The following CNKSR3 variants were observed in gnomAD, a reference collection of about 807,000 sequenced individuals.
The protein encoded by CNKSR3 is connector enhancer of kinase suppressor of ras 3.
Under a neutral mutation model 67.7 loss-of-function variants are expected in CNKSR3, and 36 were observed. That is an observed-to-expected ratio of 0.53 (90% CI 0.41 to 0.70). The LOEUF (loss-of-function observed/expected upper bound fraction) is 0.70. Among genes scored for constraint, CNKSR3 ranks in the 30% least tolerant of loss-of-function variants. CNKSR3 has a pLI of 0.00. For missense variants in CNKSR3, 630 were observed against 695.2 expected, an observed-to-expected ratio of 0.91 and a Z score of 1.05; for synonymous variants, 281 against 271.4, an observed-to-expected ratio of 1.04 and a Z score of -0.35.
At chr6:154,449,131 A>G (rs565130778) in intron 2 of CNKSR3, among the ~76,000 whole-genome samples, 8 of 152,210 alleles carry the variant, frequency 5.3e-5, no homozygotes, top group Non-Finnish European at 1.2e-4. Flanking sequence ...TTACTCATTC[A>G]TGTTAAAGCC....
rs773533317 is a variant in CNKSR3, at chr6:154,415,227, C to CTTTTTTTTTTTTTT, written c.946-805_946-804insAAAAAAAAAAAAAA. ...ATCCTGGCTAGACTTACTAGCTGCCCATTTTTTTTTTTTTTTTTTTTAAGA... is the reference window on the plus strand; with the variant it reads ...ATCCTGGCTAGACTTACTAGCTGCCCTTTTTTTTTTTTTTATTTTTTTTTTTTTTTTTTTTAAGA... On this transcript the variant is annotated intron_variant, in intron 9 of 12. Transcript: ENST00000607772. Among the ~76,000 whole-genome samples, 146 of 112,764 alleles carry CTTTTTTTTTTTTTT rather than the reference C, an allele frequency of 1.3e-3. 10 individuals are homozygous for CTTTTTTTTTTTTTT. Among genetic ancestry groups the CTTTTTTTTTTTTTT allele is most frequent in the Non-Finnish European group, 1.5e-3 (89 of 57,580 alleles). The allele number at this position is 112,764 out of a possible 152,430, so 74.0% of individuals were successfully genotyped here.
intron 1 of CNKSR3, among the ~76,000 whole-genome samples, chr6:154,482,550 G>A (rs9397724): frequency 0.097 from 14,738 of 152,210 alleles, 932 homozygotes; most frequent in East Asian, 0.19. Flanking sequence ...CAGAGAAATC[G>A]TTAAGACAGT....
intron 1 of CNKSR3, among the ~76,000 whole-genome samples, chr6:154,472,270 G>A (rs1463817355): frequency 6.6e-6 from 1 of 152,188 alleles, no homozygotes; most frequent in Non-Finnish European, 1.5e-5. Context: ...GATAAAAGCA[G>A]CCAGTGACAG....
chr6:154,428,079 A>C, intron 7 of CNKSR3, 49 bp downstream of exon 7: 2 of 1,227,536 alleles, frequency 1.6e-6, no homozygotes, highest in Non-Finnish European at 1.2e-6. Context: ...TGTGGATCAA[A>C]TCTGTTTAAA....
chr6:154,491,212 A>G (rs775145270), intron 1 of CNKSR3, among the ~76,000 whole-genome samples: 1 of 152,132 alleles, frequency 6.6e-6, no homozygotes, highest in East Asian at 1.9e-4. Flanking sequence ...TCATAACTGC[A>G]TGAGATACTC....
chr6:154,422,845 T>G (rs1400279152), intron 8 of CNKSR3, 70 bp downstream of exon 8: 3 of 1,374,482 alleles, frequency 2.2e-6, no homozygotes, highest in South Asian at 1.3e-5. Context: ...TTTAAAAATT[T>G]AAACAAAATG....
intron 7 of CNKSR3, among the ~76,000 whole-genome samples, chr6:154,423,345 C>A (rs1261130495): frequency 2.0e-5 from 3 of 152,198 alleles, no homozygotes; most frequent in Non-Finnish European, 4.4e-5. Flanking sequence ...CTCACTGCAA[C>A]CTCCACTTCC....
intron 7 of CNKSR3, among the ~76,000 whole-genome samples, chr6:154,424,023 G>A (rs1785201860): frequency 6.6e-6 from 1 of 152,058 alleles, no homozygotes; most frequent in Middle Eastern, 3.2e-3. Context: ...ACGAGGTCAG[G>A]AGATCGAGAC....
intron 1 of CNKSR3, among the ~76,000 whole-genome samples, chr6:154,486,351 A>G (rs138133150): frequency 1.2e-4 from 18 of 149,300 alleles, no homozygotes; most frequent in African/African-American, 4.2e-4. Context: ...GCCAGAGTGC[A>G]GTCGTGCGAT....
chr6:154,509,282 T>C (rs1329425301), intron 1 of CNKSR3, among the ~76,000 whole-genome samples: 1 of 151,586 alleles, frequency 6.6e-6, no homozygotes, highest in Non-Finnish European at 1.5e-5. Flanking sequence ...AGGACAAGCT[T>C]CTACCTCTGC....
Position 154,402,943 on chromosome 6 carries a change from T to C in CNKSR3, c.*3411A>G, listed in dbSNP as rs1784733276. On this transcript the variant is annotated 3_prime_UTR_variant, in exon 13 of 13. Transcript: ENST00000607772. ...GAATATGTACATATGAAAATAATTA[T>C]TTCATTATAAAATATCTTATCTGTT... 1 of 152,216 alleles carries C rather than the reference T, an allele frequency of 6.6e-6. No homozygotes were observed. 9.4% of individuals were successfully genotyped at this position (152,216 alleles called of 1,614,324 possible).
chr6:154,484,695 C>CAAAAAAA (rs1166789172), intron 1 of CNKSR3, among the ~76,000 whole-genome samples: 6 of 65,520 alleles, frequency 9.2e-5, no homozygotes, highest in Non-Finnish European at 1.4e-4. Context: ...GAGCAAGACT[C>CAAAAAAA]AAAAAAAAAA....
intron 4 of CNKSR3, among the ~76,000 whole-genome samples, chr6:154,440,944 T>A (rs776627761): frequency 6.6e-6 from 1 of 151,590 alleles, no homozygotes; most frequent in Non-Finnish European, 1.5e-5. Flanking sequence ...AGTAAAGTAC[T>A]CAGAACAAAG....
Position 154,442,181 on chromosome 6 carries a change from T to C in CNKSR3, c.326A>G (p.Asp109Gly). ...GGGGGCCTTGCGGGAGGTGTTGCCATCGTAAGCGGGACTTTTCCGTCGGCT... is the reference window on the plus strand; with the variant it reads ...GGGGGCCTTGCGGGAGGTGTTGCCACCGTAAGCGGGACTTTTCCGTCGGCT... Reference protein sequence around the residue: ...ISSRRKSPAYDGNTSRKAPNE... With the variant: ...ISSRRKSPAYGGNTSRKAPNE... Residue 109 changes from aspartate (D) to glycine (G), a missense_variant, in exon 3 of 13, where the codon GAT (aspartate) becomes GGT (glycine). Asp to Gly is a moderately conservative substitution (Grantham distance 94). Transcript: ENST00000607772. 6.2e-7 allele frequency: 1 copy of C among 1,614,210 alleles called. No individual in the cohort carries two copies. Among genetic ancestry groups the C allele is most frequent in the Non-Finnish European group, 8.5e-7 (1 of 1,180,036 alleles).
In CNKSR3 at chr6:154,394,432, A is replaced by C. The variant is rs975271279; in HGVS notation, c.*11922T>G. On this transcript the variant is annotated 3_prime_UTR_variant, in exon 13 of 13. Coordinates refer to ENST00000607772, the MANE Select transcript of CNKSR3 (RefSeq NM_173515.4). ...GAAGTCCAAAATTGGAGACACCATA[A>C]CCACGCTGGAGACACCAGGAGCAAC... The C allele has an allele frequency of 6.6e-6, 1 of 152,098 alleles. No individual in the cohort carries two copies. The highest frequency in any genetic ancestry group is 2.4e-5 in the African/African-American group (1 of 41,404). 9.4% of individuals were successfully genotyped at this position (152,098 alleles called of 1,614,324 possible). A position where few individuals can be genotyped will look rare whatever the true frequency, so the allele number is the denominator to read the frequency against.
intron 1 of CNKSR3, among the ~76,000 whole-genome samples, chr6:154,493,739 G>A (rs138954017): frequency 6.6e-6 from 1 of 151,866 alleles, no homozygotes; most frequent in East Asian, 1.9e-4. Context: ...AGGGGAGGCA[G>A]GCACACATGG....
intron 4 of CNKSR3, among the ~76,000 whole-genome samples, chr6:154,440,678 T>C (rs192839393): frequency 1.6e-4 from 25 of 152,354 alleles, no homozygotes; most frequent in Middle Eastern, 3.4e-3. Context: ...TCATGGTTTT[T>C]ACCTTTCTGC....
chr6:154,398,691 G>A lies in CNKSR3; in HGVS notation c.*7663C>T, dbSNP rs182116754. 2 of 152,334 alleles carry A rather than the reference G, an allele frequency of 1.3e-5. No homozygotes were observed. The highest frequency in any genetic ancestry group is 6.5e-5 in the Admixed American group (1 of 15,300). 9.4% of individuals were successfully genotyped at this position (152,334 alleles called of 1,614,324 possible). ...CAGCCAACTAGGAGGTGGGCAAAAT[G>A]CTCCGATTCCCTTTGTTTTCATATA... On this transcript the variant is annotated 3_prime_UTR_variant, in exon 13 of 13. Coordinates refer to ENST00000607772, the MANE Select transcript of CNKSR3 (RefSeq NM_173515.4).
Position 154,397,961 on chromosome 6 carries a change from CAAAG to C in CNKSR3, c.*8389_*8392del, listed in dbSNP as rs1784678577. On this transcript the variant is annotated 3_prime_UTR_variant, in exon 13 of 13. Transcript: ENST00000607772. ...ACAGGATTGAATTTCGCTAAAAAGA[CAAAG>C]GAAGAAAAAGTATGGTCTCTGTCCT... 1 of 152,290 alleles carries C rather than the reference CAAAG, an allele frequency of 6.6e-6. No individual in the cohort carries two copies. The highest frequency in any genetic ancestry group is 2.4e-5 in the African/African-American group (1 of 41,456). 9.4% of individuals were successfully genotyped at this position (152,290 alleles called of 1,614,324 possible).
Sources: allele counts gnomAD v4.1 joint callset (sites outside exome capture counted in the v4.1 genomes callset), GRCh38; gene constraint gnomAD v4.1.1; transcripts MANE v1.5; gene names NCBI Gene and HGNC (gene_info 2026-07-23, HGNC 2026-07-21).